WASHC2C: variants seen among roughly 807,000 people sequenced by gnomAD.
The protein encoded by WASHC2C is WASH complex subunit 2C.
WASHC2C carries 73 observed loss-of-function variants against 142.2 expected under a neutral mutation model. The ratio of observed to expected loss-of-function variants is 0.51; its 90% CI spans 0.43 to 0.62. The LOEUF (loss-of-function observed/expected upper bound fraction) is 0.62. Among genes scored for constraint, WASHC2C ranks in the 20% least tolerant of loss-of-function variants. WASHC2C has a pLI of 0.00. For missense variants in WASHC2C, 969 were observed against 1,531.7 expected (o/e 0.63, Z 6.13); for synonymous variants, 337 against 565.5 (o/e 0.60, Z 5.73).
chr10:45,728,691 A>G (rs1245865305), intron 2 of WASHC2C, among the ~76,000 whole-genome samples, 171 bp from the exon 3 acceptor site: 1 of 151,894 alleles, frequency 6.6e-6, no homozygotes, highest in Non-Finnish European at 1.5e-5. Flanking sequence ...AGATGGCGCC[A>G]CTGTACTCCA....
At chr10:45,748,887 C>G (rs539293686) in intron 8 of WASHC2C, among the ~76,000 whole-genome samples, 1 of 152,302 alleles carries the variant, frequency 6.6e-6, no homozygotes, top group Admixed American at 6.5e-5. Flanking sequence ...GGATCATGCT[C>G]TGGGAGCATG....
chr10:45,769,509 G>T lies in WASHC2C; in HGVS notation c.1930G>T (p.Glu644Ter), dbSNP rs782244381. The change falls in exon 20 of 31, where the codon GAA becomes TAA. Residue 644 changes from glutamate to a stop codon, truncating the protein, a stop_gained. Coordinates refer to ENST00000623400, the MANE Select transcript of WASHC2C (RefSeq NM_001330074.2). LOFTEE classifies it high-confidence loss of function. ...AGCATCTGACAGCAGGTCTAAAGGA[G>T]AACCCAGGGATTCTGGGACCCTCCA... Reference protein sequence around the residue: ...HLASDSRSKGEPRDSGTLQSQ... With the variant: ...HLASDSRSKG 6 of 1,611,484 alleles carry T rather than the reference G, an allele frequency of 3.7e-6. No individual in the cohort carries two copies. In the South Asian group the frequency reaches 6.6e-5, roughly 18 times the overall value.
intron 25 of WASHC2C, 82 bp downstream of exon 25, chr10:45,784,983 G>T (rs1176704760): frequency 2.2e-5 from 35 of 1,611,130 alleles, no homozygotes; most frequent in Non-Finnish European, 3.0e-5. Context: ...GATGATTAAG[G>T]AAAATCCTAG....
intron 5 of WASHC2C, among the ~76,000 whole-genome samples, chr10:45,742,877 C>CTTT (rs1227719013): frequency 1.0e-5 from 1 of 96,070 alleles, no homozygotes; most frequent in Non-Finnish European, 2.1e-5. Context: ...CATCTTTTTT[C>CTTT]TTTTTTTTTT....
At chr10:45,728,618 A>AT (rs1329209161) in intron 2 of WASHC2C, among the ~76,000 whole-genome samples, 2 of 151,358 alleles carry the variant, frequency 1.3e-5, no homozygotes, top group African/African-American at 2.4e-5. Context: ...GGCACCTGTA[A>AT]TTCCAGCTAC....
At chr10:45,784,933 T>A (rs1443854748) in intron 25 of WASHC2C, 32 bp downstream of exon 25, 28 of 1,607,844 alleles carry the variant, frequency 1.7e-5, no homozygotes, top group Non-Finnish European at 2.3e-5. Flanking sequence ...TACTGGGTTG[T>A]GTGGGAAAGA....
intron 23 of WASHC2C, among the ~76,000 whole-genome samples, chr10:45,784,289 T>TAC (rs1213117183): frequency 4.1e-3 from 72 of 17,668 alleles, no homozygotes; most frequent in African/African-American, 8.5e-3. Context: ...TATATATATA[T>TAC]ACACATATAT....
Position 45,792,837 on chromosome 10 carries a change from C to T in WASHC2C, c.*437C>T, listed in dbSNP as rs2058455400. 1 of 473,126 alleles carries T rather than the reference C, an allele frequency of 2.1e-6. No homozygotes were observed. Among genetic ancestry groups the T allele is most frequent in the Non-Finnish European group, 4.4e-6 (1 of 229,770 alleles). 29.3% of individuals were successfully genotyped at this position (473,126 alleles called of 1,614,324 possible). A position where few individuals can be genotyped will look rare whatever the true frequency, so the allele number is the denominator to read the frequency against. ...AGAGATTATACTTCATGAGTCTTAGCAATATGGGAGCAGGTTTTCACTGAA... is the reference window on the plus strand; with the variant it reads ...AGAGATTATACTTCATGAGTCTTAGTAATATGGGAGCAGGTTTTCACTGAA... On this transcript the variant is annotated 3_prime_UTR_variant, in exon 31 of 31. Transcript: ENST00000623400.
intron 21 of WASHC2C, among the ~76,000 whole-genome samples, chr10:45,775,703 G>C (rs1456469513): frequency 1.2e-4 from 4 of 34,482 alleles, no homozygotes; most frequent in African/African-American, 4.8e-4. Context: ...TTTTTTTTGA[G>C]ACGGAGTCTT....
intron 5 of WASHC2C, among the ~76,000 whole-genome samples, chr10:45,741,748 C>T (rs2052077928): frequency 6.6e-6 from 1 of 151,482 alleles, no homozygotes; most frequent in South Asian, 2.1e-4. Context: ...GCATTTCCTT[C>T]AGCAGTGGAG....
At chr10:45,735,103 T>TA (rs1464369430) in intron 3 of WASHC2C, among the ~76,000 whole-genome samples, 6 of 151,000 alleles carry the variant, frequency 4.0e-5, no homozygotes, top group Admixed American at 1.3e-4. Context: ...ATCATAATCT[T>TA]AAATACTGCA....
chr10:45,752,310 C>A (rs560965939), intron 11 of WASHC2C, among the ~76,000 whole-genome samples: 4 of 152,418 alleles, frequency 2.6e-5, no homozygotes, highest in East Asian at 1.9e-4. Flanking sequence ...ATGCTTGCTT[C>A]AGAGTAAATC....
chr10:45,757,342 G>A (rs1484954830), intron 16 of WASHC2C, among the ~76,000 whole-genome samples: 3 of 147,874 alleles, frequency 2.0e-5, no homozygotes, highest in Non-Finnish European at 4.5e-5. Context: ...ACACTTTATG[G>A]ATGTAAACCT....
At chr10:45,780,754 C>CTTTT (rs1195938940) in intron 23 of WASHC2C, among the ~76,000 whole-genome samples, 3 of 128,810 alleles carry the variant, frequency 2.3e-5, no homozygotes, top group African/African-American at 8.5e-5. Flanking sequence ...TAGTAACTTT[C>CTTTT]TTTTTTTTTT....
chr10:45,772,113 A>G (rs1293698509), intron 20 of WASHC2C, among the ~76,000 whole-genome samples: 1 of 152,228 alleles, frequency 6.6e-6, no homozygotes, highest in Non-Finnish European at 1.5e-5. Flanking sequence ...ATGAACCTAG[A>G]AAATTTTATG....
chr10:45,751,616 T>TA (rs1310849961), intron 11 of WASHC2C, 63 bp downstream of exon 11: 16 of 717,324 alleles, frequency 2.2e-5, no homozygotes, highest in Non-Finnish European at 3.3e-5. Context: ...GTTGCTTACA[T>TA]AATTCATGAA....
In WASHC2C at chr10:45,792,836, G is replaced by A. The variant is rs2058455277; in HGVS notation, c.*436G>A. The A allele has an allele frequency of 2.1e-6, 1 of 473,198 alleles. No homozygotes were observed. Among genetic ancestry groups the A allele is most frequent in the African/African-American group, 2.0e-5 (1 of 50,252 alleles). The allele number at this position is 473,198 out of a possible 1,614,324, so 29.3% of individuals were successfully genotyped here. A position where few individuals can be genotyped will look rare whatever the true frequency, so the allele number is the denominator to read the frequency against. ...GAGAGATTATACTTCATGAGTCTTAGCAATATGGGAGCAGGTTTTCACTGA... is the reference window on the plus strand; with the variant it reads ...GAGAGATTATACTTCATGAGTCTTAACAATATGGGAGCAGGTTTTCACTGA... On this transcript the variant is annotated 3_prime_UTR_variant, in exon 31 of 31. Coordinates refer to ENST00000623400, the MANE Select transcript of WASHC2C (RefSeq NM_001330074.2).
rs1318876991 is a variant in WASHC2C at position 45,789,124 on chromosome 10, G to A, written c.3341G>A (p.Ser1114Asn). Reference protein sequence around the residue: ...EGGPVPGVDTSPFAKSLGHSR... With the variant: ...EGGPVPGVDTNPFAKSLGHSR... ...GGTCCTGTGCCTGGAGTGGACACAAGCCCCTTTGCAAAGTCTCTGGGTCAT... is the reference window on the plus strand; with the variant it reads ...GGTCCTGTGCCTGGAGTGGACACAAACCCCTTTGCAAAGTCTCTGGGTCAT... Residue 1114 changes from serine to asparagine, a missense_variant, in exon 29 of 31, where the codon AGC becomes AAC. Transcript: ENST00000623400. The A allele has an allele frequency of 4.7e-5, 76 of 1,611,968 alleles. No individual in the cohort carries two copies. Among genetic ancestry groups the A allele is most frequent in the Non-Finnish European group, 6.4e-5 (75 of 1,179,880 alleles).
At position 45,728,859 on chromosome 10, in the gene WASHC2C, T is replaced by C. The variant is rs752863399; in HGVS notation, c.127-3T>C. The C allele has an allele frequency of 6.2e-7, 1 of 1,611,690 alleles. No individual in the cohort carries two copies. Among genetic ancestry groups the C allele is most frequent in the African/African-American group, 1.3e-5 (1 of 74,838 alleles). On this transcript the variant is annotated splice_polypyrimidine_tract_variant and splice_region_variant and intron_variant, in intron 2 of 30. Coordinates refer to ENST00000623400, the MANE Select transcript of WASHC2C (RefSeq NM_001330074.2). ...ACTACTGTATGTTTATTTTTTAAAATAGCTACTACAGTTTCTACAGGAATT... is the reference window on the plus strand; with the variant it reads ...ACTACTGTATGTTTATTTTTTAAAACAGCTACTACAGTTTCTACAGGAATT...
Sources: gnomAD v4.1 joint callset for allele counts (sites outside exome capture counted in the v4.1 genomes callset) on GRCh38, gnomAD v4.1.1 for gene constraint, MANE v1.5 for transcripts, NCBI Gene and HGNC (gene_info 2026-07-23, HGNC 2026-07-21) for gene names.